The following ZEB1 variants were observed in gnomAD, a reference collection of about 807,000 sequenced individuals.
ZEB1 encodes the protein zinc finger E-box-binding homeobox 1.
Under a neutral mutation model 84.9 loss-of-function variants are expected in ZEB1, and 21 were observed. The observed-to-expected ratio is 0.25, with a 90% confidence interval of 0.18 to 0.36. The LOEUF (loss-of-function observed/expected upper bound fraction) is 0.36, where lower values mean the gene tolerates loss of function less well. Among genes scored for constraint, ZEB1 ranks in the 10% least tolerant of loss-of-function variants. The probability of loss-of-function intolerance (pLI) is 1.00; values close to 1 mark genes in which losing one functional copy is unlikely to be tolerated. For missense variants in ZEB1, 1,104 were observed against 1,330.2 expected (o/e 0.83, Z 2.65); for synonymous variants, 420 against 471.1 (o/e 0.89, Z 1.41).
At chr10:31,449,014 C>G (rs992530501) in intron 1 of ZEB1, among the ~76,000 whole-genome samples, 1 of 152,230 alleles carries the variant, frequency 6.6e-6, no homozygotes, top group Non-Finnish European at 1.5e-5. Context: ...CCCCCAGCCT[C>G]GCTGCCGCCT....
intron 1 of ZEB1, chr10:31,360,884 A>G (rs2042921612): frequency 4.1e-6 from 5 of 1,229,342 alleles, no homozygotes; most frequent in African/African-American, 1.5e-5. Context: ...CGTTACAGTG[A>G]GCTGCAGTAA....
chr10:31,374,569 C>T (rs751484952), intron 1 of ZEB1, among the ~76,000 whole-genome samples: 3 of 151,762 alleles, frequency 2.0e-5, no homozygotes, highest in East Asian at 1.9e-4. Context: ...TAATTACACA[C>T]TGCAACTGGA....
chr10:31,522,158 T>G (rs2072549965), intron 7 of ZEB1, among the ~76,000 whole-genome samples: 1 of 152,220 alleles, frequency 6.6e-6, no homozygotes, highest in African/African-American at 2.4e-5. Flanking sequence ...TGAAATGCTA[T>G]TCTACTGAAA....
chr10:31,361,183 C>T (rs2042999711), intron 1 of ZEB1: 1 of 1,611,750 alleles, frequency 6.2e-7, no homozygotes, highest in African/African-American at 1.3e-5. Flanking sequence ...CCCAAAAGAC[C>T]ATCCTGCTCT....
chr10:31,368,524 A>C (rs2045031278), intron 1 of ZEB1, among the ~76,000 whole-genome samples: 1 of 152,036 alleles, frequency 6.6e-6, no homozygotes, highest in Non-Finnish European at 1.5e-5. Context: ...AATGCTGTGT[A>C]AATAGCTATT....
chr10:31,341,826 A>G (rs2039424130), intron 1 of ZEB1, among the ~76,000 whole-genome samples: 1 of 152,228 alleles, frequency 6.6e-6, no homozygotes, highest in Non-Finnish European at 1.5e-5. Context: ...AAGCAAGACT[A>G]GAAACCACAC....
rs750744013 is a variant in ZEB1, at chr10:31,494,341, CAG to C, written c.260-1434_260-1433del. 4.6e-5 allele frequency among the ~76,000 whole-genome samples: 7 copies of C among 152,112 alleles called. No homozygotes were observed. The East Asian group carries it at 7.7e-4, about 17-fold the overall frequency. On this transcript the variant is annotated intron_variant, in intron 2 of 8. Transcript: ENST00000424869. ...AGTTAATCTCATCATCTACTTAAAA[CAG>C]TGTTTTTTACATTGATCTAAAGAGG...
At chr10:31,350,237 GTCTC>G (rs1160860410) in intron 1 of ZEB1, among the ~76,000 whole-genome samples, 3 of 151,972 alleles carry the variant, frequency 2.0e-5, no homozygotes, top group Non-Finnish European at 2.9e-5. Context: ...TAAATGTGTG[GTCTC>G]TCTATTATAT....
At chr10:31,318,999 C>T (rs959705478), upstream of ZEB1, 3 of 584,886 alleles carry the variant, frequency 5.1e-6, no homozygotes, top group East Asian at 6.1e-5. Context: ...TTTCCCTCGC[C>T]CCTCAATTCA....
chr10:31,475,890 A>C (rs1486283766), intron 2 of ZEB1, among the ~76,000 whole-genome samples: 1 of 152,114 alleles, frequency 6.6e-6, no homozygotes, highest in Non-Finnish European at 1.5e-5. Context: ...TGAGACTCCA[A>C]GGCACCTAGC....
At chr10:31,325,164 C>T (rs1201983005) in intron 1 of ZEB1, among the ~76,000 whole-genome samples, 1 of 151,968 alleles carries the variant, frequency 6.6e-6, no homozygotes, top group Non-Finnish European at 1.5e-5. Flanking sequence ...GCAAAATGCT[C>T]TCTAATAAGT....
chr10:31,478,254 G>A (rs1174920370), intron 2 of ZEB1, among the ~76,000 whole-genome samples: 1 of 151,954 alleles, frequency 6.6e-6, no homozygotes, highest in Non-Finnish European at 1.5e-5. Context: ...TTTTAAAAAT[G>A]CTTAATATCA....
intron 1 of ZEB1, among the ~76,000 whole-genome samples, chr10:31,336,232 G>A (rs896815293): frequency 1.3e-5 from 2 of 152,158 alleles, no homozygotes; most frequent in Admixed American, 1.3e-4. Context: ...GAAGAACTAA[G>A]AGATAATAGC....
At chr10:31,461,338 A>C (rs1046498540) in intron 2 of ZEB1, 101 bp downstream of exon 2, 1 of 1,298,784 alleles carries the variant, frequency 7.7e-7, no homozygotes, top group African/African-American at 1.5e-5. Context: ...TGAAATCAAT[A>C]GTAAATTTGG....
chr10:31,440,074 T>G (rs1591280942), intron 1 of ZEB1, among the ~76,000 whole-genome samples: 1 of 152,094 alleles, frequency 6.6e-6, no homozygotes, highest in African/African-American at 2.4e-5. Flanking sequence ...TGGTAGTGGG[T>G]GGTCAGATCT....
chr10:31,508,683 A>G (rs1379232656), intron 4 of ZEB1, among the ~76,000 whole-genome samples: 2 of 152,022 alleles, frequency 1.3e-5, no homozygotes, highest in Non-Finnish European at 2.9e-5. Flanking sequence ...ATTGGCTATC[A>G]TGGCAGGGGC....
chr10:31,458,309 T>C (rs987808062), intron 1 of ZEB1, among the ~76,000 whole-genome samples: 2 of 130,804 alleles, frequency 1.5e-5, no homozygotes, highest in Non-Finnish European at 3.0e-5. Context: ...AGCATCTCCA[T>C]TCCGTGTGTG....
intron 1 of ZEB1, among the ~76,000 whole-genome samples, chr10:31,336,713 G>A (rs2038156628): frequency 6.6e-6 from 1 of 152,120 alleles, no homozygotes; most frequent in Admixed American, 6.5e-5. Flanking sequence ...TTTGGCCAAG[G>A]AGTGTATTAT....
intron 1 of ZEB1, among the ~76,000 whole-genome samples, chr10:31,388,173 G>T (rs1204130223): frequency 1.3e-5 from 2 of 152,084 alleles, no homozygotes; most frequent in Non-Finnish European, 2.9e-5. Flanking sequence ...TCTTAGGCAA[G>T]AATACTTTGA....
Sources: gnomAD v4.1 joint callset for allele counts (sites outside exome capture counted in the v4.1 genomes callset) on GRCh38, gnomAD v4.1.1 for gene constraint, MANE v1.5 for transcripts, NCBI Gene and HGNC (gene_info 2026-07-23, HGNC 2026-07-21) for gene names.